The following URB2 variants were observed in gnomAD, a reference collection of about 807,000 sequenced individuals.
The protein encoded by URB2 is URB2 ribosome biogenesis homolog.
Under a neutral mutation model 120.9 loss-of-function variants are expected in URB2, and 86 were observed. The ratio of observed to expected loss-of-function variants is 0.71; its 90% CI spans 0.60 to 0.85. URB2 has a LOEUF of 0.85. URB2 is among the 40% of genes least tolerant of loss of function. The pLI is 0.00. For synonymous variants in URB2, 755 were observed against 758.4 expected, an observed-to-expected ratio of 1.00 and a Z score of 0.07; for missense variants, 1,765 against 1,836.5, an observed-to-expected ratio of 0.96 and a Z score of 0.71.
At chr1:229,654,031 C>T (rs1666345408) in intron 8 of URB2, among the ~76,000 whole-genome samples, 1 of 147,916 alleles carries the variant, frequency 6.8e-6, no homozygotes, top group African/African-American at 2.5e-5. Flanking sequence ...CACCCGAGCA[C>T]TCTTGAGTTT....
intron 4 of URB2, among the ~76,000 whole-genome samples, chr1:229,638,961 C>T (rs1194820489): frequency 6.6e-6 from 1 of 152,152 alleles, no homozygotes; most frequent in Non-Finnish European, 1.5e-5. Context: ...TCTTATGTAT[C>T]AGACTTTCAG....
At chr1:229,656,697 T>C (rs1666414847) in intron 9 of URB2, among the ~76,000 whole-genome samples, 1 of 152,212 alleles carries the variant, frequency 6.6e-6, no homozygotes, top group African/African-American at 2.4e-5. Flanking sequence ...GACCTGTCAG[T>C]AGTCAGGGAA....
chr1:229,646,314 G>C (rs1011514976), intron 6 of URB2, among the ~76,000 whole-genome samples: 1 of 152,086 alleles, frequency 6.6e-6, no homozygotes, highest in Admixed American at 6.5e-5. Flanking sequence ...TTTAGAAATG[G>C]AGTCTCACTG....
chr1:229,628,181 A>ATT (rs371268510), intron 2 of URB2, among the ~76,000 whole-genome samples: 7 of 70,734 alleles, frequency 9.9e-5, no homozygotes, highest in African/African-American at 2.9e-4. Flanking sequence ...ATATGTATAT[A>ATT]ATATATATAA....
chr1:229,638,645 CAAA>C (rs79757347), intron 4 of URB2, among the ~76,000 whole-genome samples: 2 of 135,864 alleles, frequency 1.5e-5, no homozygotes, highest in Non-Finnish European at 3.2e-5. Flanking sequence ...GAGTCTGTCT[CAAA>C]AAAAAAAAAA....
chr1:229,646,062 C>T, intron 6 of URB2, 93 bp downstream of exon 6: 1 of 1,176,892 alleles, frequency 8.5e-7, no homozygotes, highest in African/African-American at 1.5e-5. Context: ...TGCCCTGTAG[C>T]TTTATGCAGA....
chr1:229,657,905 CTG>C (rs1373741227), intron 9 of URB2, among the ~76,000 whole-genome samples: 2 of 152,210 alleles, frequency 1.3e-5, no homozygotes, highest in Admixed American at 1.3e-4. Flanking sequence ...TCATTAGAAA[CTG>C]TGTTTGCAGA....
In URB2 at chr1:229,636,314, G is replaced by T; in HGVS notation, c.1701G>T (p.Arg567=). The change falls in exon 4 of 10, where the codon CGG becomes CGT. Residue 567 remains arginine, a synonymous_variant. Coordinates refer to ENST00000258243, the MANE Select transcript of URB2 (RefSeq NM_014777.4). ...DSSTPLPIVR[R]TQCMMERMMR... ...GCACGCCTCTGCCCATTGTCAGACG[G>T]ACACAGTGCATGATGGAGAGGATGA... 6.2e-7 allele frequency: 1 copy of T among 1,614,246 alleles called. No individual in the cohort carries two copies. Among genetic ancestry groups the T allele is most frequent in the African/African-American group, 1.3e-5 (1 of 75,080 alleles).
Position 229,659,152 on chromosome 1 carries a change from T to A in URB2, c.4430T>A (p.Ile1477Asn). The change falls in exon 10 of 10, where the codon ATC (isoleucine) becomes AAC (asparagine). Residue 1477 changes from isoleucine (I) to asparagine (N), a missense_variant. Ile to Asn is a moderately radical substitution (Grantham distance 149). Transcript: ENST00000258243. ...CTGCTGCAGGAGGGCATTTACCTCA[T>A]CCTGGACCTCTGCATCGAGCCTGAC... ...KSLLQEGIYL[I>N]LDLCIEPDVQ... 1 of 1,612,952 alleles carries A rather than the reference T, an allele frequency of 6.2e-7. No homozygotes were observed. The highest frequency in any genetic ancestry group is 2.2e-5 in the East Asian group (1 of 44,884).
intron 8 of URB2, among the ~76,000 whole-genome samples, chr1:229,653,605 C>A (rs1035387157): frequency 2.0e-5 from 3 of 152,156 alleles, no homozygotes; most frequent in East Asian, 1.9e-4. Context: ...AGCTGTAACT[C>A]AAGCTGTGGG....
chr1:229,634,602 G>A (rs1259897295), intron 3 of URB2, among the ~76,000 whole-genome samples: 1 of 152,136 alleles, frequency 6.6e-6, no homozygotes, highest in Non-Finnish European at 1.5e-5. Flanking sequence ...GGATCTAAGA[G>A]AAAGTGACAT....
In URB2 at chr1:229,659,104, C is replaced by A; in HGVS notation, c.4382C>A (p.Thr1461Asn). Residue 1461 changes from threonine (T) to asparagine (N), a missense_variant, in exon 10 of 10, where the codon ACC becomes AAC. By Grantham distance (65) the Thr-to-Asn change is moderately conservative. Transcript: ENST00000258243. ...AQYVLEVQKV[T>N]LYPAVKSLLQ... ...GAGGTTTGCCTTTTTCCTCAGGTGA[C>A]CTTATATCCAGCTGTGAAAAGTCTG... 6.2e-7 allele frequency: 1 copy of A among 1,611,666 alleles called. No homozygotes were observed. The highest frequency in any genetic ancestry group is 8.5e-7 in the Non-Finnish European group (1 of 1,179,568).
At chr1:229,657,335 C>T (rs6686112) in intron 9 of URB2, among the ~76,000 whole-genome samples, 58,170 of 151,690 alleles carry the variant, frequency 0.38, 11,860 homozygotes, top group Middle Eastern at 0.48. Flanking sequence ...CCCCAGAGCT[C>T]TTTGCAAGAG....
At chr1:229,644,766 G>A (rs902812331) in intron 5 of URB2, among the ~76,000 whole-genome samples, 2 of 152,142 alleles carry the variant, frequency 1.3e-5, no homozygotes, top group African/African-American at 2.4e-5. Flanking sequence ...CACAGCATTC[G>A]GGGAGAAAGG....
At chr1:229,638,379 C>G in intron 4 of URB2, 132 bp downstream of exon 4, 2 of 1,049,716 alleles carry the variant, frequency 1.9e-6, no homozygotes, top group South Asian at 3.8e-5. Flanking sequence ...GGTGCGGTGG[C>G]TTACACCTGT....
rs1443591241 is a variant in URB2, at chr1:229,637,482, A to G, written c.2869A>G (p.Ser957Gly). The G allele has an allele frequency of 3.7e-6, 6 of 1,614,042 alleles. No homozygotes were observed. Among genetic ancestry groups the G allele is most frequent in the African/African-American group, 1.3e-5 (1 of 74,916 alleles). ...QLLGYLQKGK[S>G]ARSVFKIMYG... ...TCTTGGTTACTTGCAAAAGGGGAAA[A>G]GTGCTCGCTCTGTGTTCAAGATCAT... Residue 957 changes from serine (S) to glycine (G), a missense_variant, in exon 4 of 10, where the codon AGT (serine) becomes GGT (glycine). By Grantham distance (56) the Ser-to-Gly change is moderately conservative. Coordinates refer to ENST00000258243, the MANE Select transcript of URB2 (RefSeq NM_014777.4).
At chr1:229,631,206 C>T (rs1434444347) in intron 2 of URB2, among the ~76,000 whole-genome samples, 1 of 152,160 alleles carries the variant, frequency 6.6e-6, no homozygotes, top group Non-Finnish European at 1.5e-5. Context: ...CCTCCGCAGC[C>T]TCCTTACTTC....
In URB2 at chr1:229,635,754, C is replaced by T. The variant is rs763537395; in HGVS notation, c.1141C>T (p.Arg381Trp). 8.7e-6 allele frequency: 14 copies of T among 1,614,042 alleles called. No individual in the cohort carries two copies. The highest frequency in any genetic ancestry group is 2.2e-5 in the East Asian group (1 of 44,892). ...CTACAACATCGCTGCCGACAGAATT[C>T]GGCACGAAGAGGCTCAGTTCCGCTT... The part of the protein sequence containing the change: ...NIYNIAADRI[R>W]HEEAQFRFYR... Residue 381 changes from arginine (R) to tryptophan (W), a missense_variant, in exon 4 of 10, where the codon CGG becomes TGG. Physicochemically the swap from Arg to Trp is moderately radical, Grantham distance 101. Coordinates refer to ENST00000258243, the MANE Select transcript of URB2 (RefSeq NM_014777.4).
intron 7 of URB2, among the ~76,000 whole-genome samples, chr1:229,648,790 C>G (rs1028067309): frequency 6.6e-6 from 1 of 152,134 alleles, no homozygotes. Flanking sequence ...CTCATAGATA[C>G]GACGGTTAAT....
Sources: allele counts gnomAD v4.1 joint callset (sites outside exome capture counted in the v4.1 genomes callset), GRCh38; gene constraint gnomAD v4.1.1; transcripts MANE v1.5; gene names NCBI Gene and HGNC (gene_info 2026-07-23, HGNC 2026-07-21).